TEK: variants seen among roughly 807,000 people sequenced by gnomAD.
The protein encoded by TEK is angiopoietin-1 receptor.
A neutral mutation model predicts 131.8 loss-of-function variants in TEK; 43 were observed. The ratio of observed to expected loss-of-function variants is 0.33; its 90% CI spans 0.26 to 0.42. The LOEUF is 0.42. Among genes scored for constraint, TEK ranks in the 10% least tolerant of loss-of-function variants. The pLI is 1.00. For missense variants in TEK, 1,162 were observed against 1,384.4 expected (o/e 0.84, Z 2.55); for synonymous variants, 580 against 491.6 (o/e 1.18, Z -2.38).
Position 27,229,614 on chromosome 9 carries a change from A to G in TEK, c.*382A>G. Reference sequence around the variant, plus strand: ...ATGCTATTAAATGTTTTCCTGTGTCAAAGTAAAATATTGTTAATAAACCTA... The same window carrying G: ...ATGCTATTAAATGTTTTCCTGTGTCGAAGTAAAATATTGTTAATAAACCTA... On this transcript the variant is annotated 3_prime_UTR_variant, in exon 23 of 23. Coordinates refer to ENST00000380036, the MANE Select transcript of TEK (RefSeq NM_000459.5). 3.9e-6 allele frequency: 1 copy of G among 256,342 alleles called. No homozygotes were observed. Among genetic ancestry groups the G allele is most frequent in the Non-Finnish European group, 7.7e-6 (1 of 130,564 alleles). The allele number at this position is 256,342 out of a possible 1,614,324, so 15.9% of individuals were successfully genotyped here. A position where few individuals can be genotyped will look rare whatever the true frequency, so the allele number is the denominator to read the frequency against.
At chr9:27,170,701 TG>T (rs1323578423) in intron 4 of TEK, among the ~76,000 whole-genome samples, 1 of 151,610 alleles carries the variant, frequency 6.6e-6, no homozygotes, top group Non-Finnish European at 1.5e-5. Context: ...GGTAAGGGAG[TG>T]GGCTTTCTCT....
intron 2 of TEK, among the ~76,000 whole-genome samples, chr9:27,163,501 A>G (rs1259489366): frequency 6.6e-6 from 1 of 152,220 alleles, no homozygotes; most frequent in Non-Finnish European, 1.5e-5. Flanking sequence ...GGAGGAGAAA[A>G]GAAGAAAGAA....
At chr9:27,202,158 C>T (rs1288132371) in intron 12 of TEK, among the ~76,000 whole-genome samples, 2 of 152,176 alleles carry the variant, frequency 1.3e-5, no homozygotes, top group Non-Finnish European at 2.9e-5. Context: ...ATCTCTTTCT[C>T]ATCCTGCCCG....
rs139000656 is a variant in TEK at position 27,198,938 on chromosome 9, C to T, written c.1909+1339C>T. ...TCAGCCTCCTGAGTAGCTGGGACCA[C>T]AGGCACACGCCACCACACCTGACTT... On this transcript the variant is annotated intron_variant, in intron 12 of 22. Transcript: ENST00000380036. 9.8e-3 allele frequency among the ~76,000 whole-genome samples: 1,499 copies of T among 152,190 alleles called. 14 individuals are homozygous for T. The highest frequency in any genetic ancestry group is 0.016 in the Non-Finnish European group (1,063 of 67,994).
At chr9:27,121,042 C>T (rs764552335) in intron 1 of TEK, among the ~76,000 whole-genome samples, 1 of 152,214 alleles carries the variant, frequency 6.6e-6, no homozygotes, top group East Asian at 1.9e-4. Context: ...GCTTTGCTGG[C>T]TGGGTGCTGT....
intron 16 of TEK, among the ~76,000 whole-genome samples, chr9:27,210,777 C>T (rs1193480558): frequency 2.0e-5 from 3 of 152,128 alleles, no homozygotes. Flanking sequence ...AAAATATATC[C>T]CTTAAAATTT....
intron 4 of TEK, among the ~76,000 whole-genome samples, chr9:27,171,663 A>G (rs1823964152): frequency 6.6e-6 from 1 of 152,144 alleles, no homozygotes; most frequent in Non-Finnish European, 1.5e-5. Flanking sequence ...TTCCTTCTGG[A>G]TGACTACTGT....
At chr9:27,220,402 A>C (rs1358051421) in intron 21 of TEK, among the ~76,000 whole-genome samples, 1 of 152,236 alleles carries the variant, frequency 6.6e-6, no homozygotes, top group Non-Finnish European at 1.5e-5. Flanking sequence ...AGGGCAACAA[A>C]TGCAGAAAAG....
At chr9:27,228,093 G>T in intron 21 of TEK, 113 bp from the exon 22 acceptor site, 2 of 827,560 alleles carry the variant, frequency 2.4e-6, no homozygotes, top group South Asian at 1.6e-5. Flanking sequence ...CTGTACTTTG[G>T]TTAAGCTTCA....
intron 1 of TEK, among the ~76,000 whole-genome samples, chr9:27,142,672 C>G (rs1388636484): frequency 6.6e-6 from 1 of 152,160 alleles, no homozygotes; most frequent in African/African-American, 2.4e-5. Flanking sequence ...CAAAGGGGTT[C>G]CCAGTCAAAC....
intron 1 of TEK, among the ~76,000 whole-genome samples, chr9:27,110,172 C>CTTTTTTT (rs56159018): frequency 2.1e-5 from 3 of 144,866 alleles, no homozygotes; most frequent in African/African-American, 7.6e-5. Flanking sequence ...AAATTGTAGG[C>CTTTTTTT]TTTTTTTTTT....
At chr9:27,195,316 G>A (rs1208835526) in intron 11 of TEK, among the ~76,000 whole-genome samples, 4 of 152,108 alleles carry the variant, frequency 2.6e-5, no homozygotes, top group Non-Finnish European at 5.9e-5. Context: ...CTCTCACCTC[G>A]AACCAAGAGT....
chr9:27,175,151 C>G (rs1302126151), intron 6 of TEK, among the ~76,000 whole-genome samples: 1 of 115,202 alleles, frequency 8.7e-6, no homozygotes, highest in Non-Finnish European at 1.7e-5. Flanking sequence ...CCCCACCCCA[C>G]AACAGTCCCC....
intron 21 of TEK, among the ~76,000 whole-genome samples, 181 bp downstream of exon 21, chr9:27,220,326 T>G (rs1025967872): frequency 5.9e-5 from 9 of 152,008 alleles, no homozygotes; most frequent in Admixed American, 2.0e-4. Context: ...ACACAAGAAG[T>G]ATTAGCTTTA....
At chr9:27,217,625 C>A in intron 18 of TEK, 63 bp from the exon 19 acceptor site, 2 of 1,454,036 alleles carry the variant, frequency 1.4e-6, no homozygotes, top group Non-Finnish European at 1.9e-6. Context: ...ACAGCTCAGG[C>A]AGGCTGAGAG....
intron 1 of TEK, among the ~76,000 whole-genome samples, chr9:27,130,872 C>G (rs947050055): frequency 1.3e-5 from 2 of 150,556 alleles, no homozygotes; most frequent in Non-Finnish European, 3.0e-5. Flanking sequence ...GGCCAAAGTA[C>G]TTTAAAAAAC....
intron 11 of TEK, among the ~76,000 whole-genome samples, chr9:27,193,906 A>C (rs916870407): frequency 6.6e-6 from 1 of 152,156 alleles, no homozygotes; most frequent in African/African-American, 2.4e-5. Context: ...TCCTGGGCTC[A>C]AGTCATCCTC....
intron 1 of TEK, among the ~76,000 whole-genome samples, chr9:27,130,928 C>T (rs1180502449): frequency 1.3e-5 from 2 of 152,036 alleles, no homozygotes; most frequent in East Asian, 3.8e-4. Context: ...AAAATAAAAA[C>T]ATCAATAGAA....
intron 1 of TEK, among the ~76,000 whole-genome samples, chr9:27,119,137 CAT>C (rs1821683744): frequency 6.6e-6 from 1 of 152,150 alleles, no homozygotes. Context: ...TGACTGACCA[CAT>C]GTCTCAGTAG....
Sources: gnomAD v4.1 joint callset for allele counts (sites outside exome capture counted in the v4.1 genomes callset) on GRCh38, gnomAD v4.1.1 for gene constraint, MANE v1.5 for transcripts, NCBI Gene and HGNC (gene_info 2026-07-23, HGNC 2026-07-21) for gene names.